The following DPP10 variants were observed in gnomAD, a reference collection of about 807,000 sequenced individuals.
The protein encoded by DPP10 is dipeptidyl peptidase like 10, also known as inactive dipeptidyl peptidase 10.
A neutral mutation model predicts 120.9 loss-of-function variants in DPP10; 33 were observed. The ratio of observed to expected loss-of-function variants is 0.27; its 90% CI spans 0.21 to 0.37. The LOEUF (loss-of-function observed/expected upper bound fraction) is 0.37, where lower values mean the gene tolerates loss of function less well. Ranked by LOEUF, DPP10 falls within the 10% of genes least tolerant of loss-of-function variation. DPP10 has a pLI of 1.00. For synonymous variants in DPP10, 337 were observed against 326.1 expected, an observed-to-expected ratio of 1.03 and a Z score of -0.36; for missense variants, 816 against 942.8, an observed-to-expected ratio of 0.87 and a Z score of 1.76.
At chr2:115,565,296 A>T (rs982732023) in intron 5 of DPP10, among the ~76,000 whole-genome samples, 1 of 152,164 alleles carries the variant, frequency 6.6e-6, no homozygotes, top group African/African-American at 2.4e-5. Context: ...ATTCTCTTTC[A>T]CTATGTTTTA....
At chr2:115,813,527 A>T (rs1345733161) in intron 19 of DPP10, among the ~76,000 whole-genome samples, 1 of 152,198 alleles carries the variant, frequency 6.6e-6, no homozygotes, top group East Asian at 1.9e-4. Flanking sequence ...CTATCTCCAA[A>T]TATAGTCACA....
At chr2:115,454,197 G>T in intron 3 of DPP10, among the ~76,000 whole-genome samples, 1 of 151,492 alleles carries the variant, frequency 6.6e-6, no homozygotes, top group East Asian at 1.9e-4. Context: ...CCATAAAAAT[G>T]TATTTTATTA....
chr2:114,815,682 A>C (rs114701230), intron 1 of DPP10, among the ~76,000 whole-genome samples: 1 of 152,126 alleles, frequency 6.6e-6, no homozygotes, highest in Non-Finnish European at 1.5e-5. Context: ...CAGGGAATAC[A>C]CTGTCTTTCT....
chr2:114,987,683 A>G (rs1700485597), intron 1 of DPP10, among the ~76,000 whole-genome samples: 1 of 152,114 alleles, frequency 6.6e-6, no homozygotes, highest in Non-Finnish European at 1.5e-5. Context: ...TTAAAGCTAA[A>G]ATTAGTAGGA....
intron 1 of DPP10, among the ~76,000 whole-genome samples, chr2:114,772,267 C>G (rs1681336972): frequency 6.6e-6 from 1 of 151,906 alleles, no homozygotes; most frequent in South Asian, 2.1e-4. Context: ...AAGCTATTCT[C>G]CTGCCTCAGC....
At chr2:115,673,470 A>G (rs1003607344) in intron 5 of DPP10, among the ~76,000 whole-genome samples, 1 of 152,222 alleles carries the variant, frequency 6.6e-6, no homozygotes, top group Non-Finnish European at 1.5e-5. Flanking sequence ...GGGAGTCAAG[A>G]CATGCCTAAG....
intron 25 of DPP10, 145 bp from the exon 26 acceptor site, chr2:115,842,066 C>G: frequency 1.5e-6 from 1 of 686,288 alleles, no homozygotes; most frequent in South Asian, 3.4e-5. Flanking sequence ...AAAAGTTTAG[C>G]ATGAATAACT....
At chr2:115,098,510 G>A (rs1199986379) in intron 1 of DPP10, among the ~76,000 whole-genome samples, 9 of 151,958 alleles carry the variant, frequency 5.9e-5, no homozygotes, top group Non-Finnish European at 1.3e-4. Flanking sequence ...AAACCTGTAC[G>A]ACATGTTATT....
At chr2:115,087,529 TTTTCTTTTC>T (rs1708812267) in intron 1 of DPP10, among the ~76,000 whole-genome samples, 2 of 89,866 alleles carry the variant, frequency 2.2e-5, no homozygotes, top group Admixed American at 1.2e-4. Flanking sequence ...CTTTCTTTTC[TTTTCTTTTC>T]TTTTTTTTTT....
chr2:115,295,974 G>A (rs980709081), intron 1 of DPP10, among the ~76,000 whole-genome samples: 2 of 152,058 alleles, frequency 1.3e-5, no homozygotes, highest in African/African-American at 4.8e-5. Context: ...ATAAATGTGT[G>A]GAAAAATAAA....
intron 5 of DPP10, among the ~76,000 whole-genome samples, chr2:115,656,271 A>T (rs1166054458): frequency 6.6e-6 from 1 of 151,642 alleles, no homozygotes; most frequent in Admixed American, 6.6e-5. Context: ...TGTATCAATT[A>T]TATATCAATA....
intron 21 of DPP10, among the ~76,000 whole-genome samples, chr2:115,826,982 A>C (rs373370060): frequency 1.8e-4 from 28 of 152,170 alleles, no homozygotes; most frequent in East Asian, 5.8e-4. Context: ...TTTCACCTTT[A>C]ATGTAATCAT....
chr2:114,734,421 A>G (rs538798088), intron 1 of DPP10, among the ~76,000 whole-genome samples: 46 of 152,256 alleles, frequency 3.0e-4, no homozygotes, highest in African/African-American at 1.1e-3. Context: ...AAACTCAACC[A>G]ATTGTCCACC....
intron 4 of DPP10, among the ~76,000 whole-genome samples, chr2:115,518,433 T>C (rs2077619615): frequency 6.6e-6 from 1 of 152,120 alleles, no homozygotes; most frequent in Non-Finnish European, 1.5e-5. Context: ...GTCAAGAAGA[T>C]TTAGTCTTTG....
chr2:115,386,245 T>C (rs978278139), intron 3 of DPP10, among the ~76,000 whole-genome samples: 2 of 152,126 alleles, frequency 1.3e-5, no homozygotes, highest in Non-Finnish European at 2.9e-5. Flanking sequence ...TATTCTGTGT[T>C]ATAAAAAGAG....
intron 3 of DPP10, among the ~76,000 whole-genome samples, chr2:115,433,727 G>C (rs2104798516): frequency 6.6e-6 from 1 of 151,980 alleles, no homozygotes; most frequent in Non-Finnish European, 1.5e-5. Context: ...TTTTCTCCTG[G>C]AGTTTTTTAA....
Position 114,545,729 on chromosome 2 carries a change from C to T in DPP10, c.60+102891C>T, listed in dbSNP as rs72951857. Among the ~76,000 whole-genome samples, 849 of 152,232 alleles carry T rather than the reference C, an allele frequency of 5.6e-3. 6 individuals carry two copies. Among genetic ancestry groups the T allele is most frequent in the African/African-American group, 0.019 (793 of 41,542 alleles). On this transcript the variant is annotated intron_variant, in intron 1 of 25. Transcript: ENST00000410059. The stretch of plus-strand genomic sequence containing the variant: ...TTCAGCCGCTTGTGGTGTTCATTTA[C>T]CATTCAACACAGGTTAAGCACTGCT...
At chr2:115,681,726 C>T (rs112619381) in intron 5 of DPP10, among the ~76,000 whole-genome samples, 2,944 of 146,262 alleles carry the variant, frequency 0.02, 90 homozygotes, top group African/African-American at 0.069. Context: ...CCTTTCCTTC[C>T]TTCCTTTCTT....
At chr2:115,187,194 G>A (rs1251412268) in intron 1 of DPP10, among the ~76,000 whole-genome samples, 2 of 150,116 alleles carry the variant, frequency 1.3e-5, no homozygotes, top group African/African-American at 2.5e-5. Context: ...CCGCCACCAC[G>A]CCCGGCTAAT....
Sources: allele counts gnomAD v4.1 joint callset (sites outside exome capture counted in the v4.1 genomes callset), GRCh38; gene constraint gnomAD v4.1.1; transcripts MANE v1.5; gene names NCBI Gene and HGNC (gene_info 2026-07-23, HGNC 2026-07-21).